Variants in ATP8A2 observed in about 807,000 individuals in gnomAD.
ATP8A2 encodes phospholipid-transporting ATPase IB.
A neutral mutation model predicts 165.6 loss-of-function variants in ATP8A2; 100 were observed. That is an observed-to-expected ratio of 0.60 (90% confidence interval 0.51 to 0.71). ATP8A2 has a LOEUF of 0.71. Ranked by LOEUF, ATP8A2 falls within the 30% of genes least tolerant of loss-of-function variation. The pLI is 0.00. For missense variants in ATP8A2, 1,227 were observed against 1,479.5 expected (o/e 0.83, Z 2.80); for synonymous variants, 543 against 548.8 (o/e 0.99, Z 0.15).
rs542547839 is a variant in ATP8A2 at position 25,450,773 on chromosome 13, T to C, written c.77-18204T>C. Among the ~76,000 whole-genome samples, 596 of 152,126 alleles carry C rather than the reference T, an allele frequency of 3.9e-3. 6 individuals are homozygous for C. The East Asian group carries it at 0.04, about 10-fold the overall frequency. ...GTCTCAATCTCCTGACCTCGTAATC[T>C]GCCCACCTCGGCCTCCCAAAGTGCT... On this transcript the variant is annotated intron_variant, in intron 1 of 36. Coordinates refer to ENST00000381655, the MANE Select transcript of ATP8A2 (RefSeq NM_016529.6).
At chr13:25,524,163 A>G (rs574534915) in intron 2 of ATP8A2, among the ~76,000 whole-genome samples, 6 of 152,040 alleles carry the variant, frequency 3.9e-5, no homozygotes, top group African/African-American at 1.4e-4. Context: ...GGGTTTGTGT[A>G]GTTTCCAGGG....
intron 2 of ATP8A2, among the ~76,000 whole-genome samples, chr13:25,507,233 G>A (rs1200046268): frequency 1.4e-5 from 1 of 69,156 alleles, no homozygotes; most frequent in Non-Finnish European, 3.3e-5. Flanking sequence ...GTGTGTGTGT[G>A]TGTGTGTGTG....
chr13:25,948,145 GCA>G (rs1166801941), intron 33 of ATP8A2, among the ~76,000 whole-genome samples: 1 of 152,050 alleles, frequency 6.6e-6, no homozygotes, highest in African/African-American at 2.4e-5. Context: ...GACTTCTATA[GCA>G]CAGCTCAACC....
chr13:25,524,415 T>G (rs915039125), intron 2 of ATP8A2, among the ~76,000 whole-genome samples: 6 of 152,174 alleles, frequency 3.9e-5, no homozygotes, highest in African/African-American at 1.4e-4. Flanking sequence ...GTTCCTTTGC[T>G]GATTTTCTGT....
chr13:25,877,638 C>T (rs1952852459), intron 33 of ATP8A2, among the ~76,000 whole-genome samples: 1 of 152,190 alleles, frequency 6.6e-6, no homozygotes, highest in Non-Finnish European at 1.5e-5. Context: ...AGGGTGTCTC[C>T]TCCCATGTTC....
intron 33 of ATP8A2, among the ~76,000 whole-genome samples, chr13:25,890,776 T>A (rs958075707): frequency 3.8e-4 from 58 of 152,240 alleles, no homozygotes; most frequent in African/African-American, 1.3e-3. Flanking sequence ...AAGAAAGACC[T>A]ATGAAATTTA....
At chr13:26,007,546 A>C (rs1446493092) in intron 35 of ATP8A2, among the ~76,000 whole-genome samples, 1 of 152,226 alleles carries the variant, frequency 6.6e-6, no homozygotes, top group Non-Finnish European at 1.5e-5. Flanking sequence ...GGTTCAGTGA[A>C]ATAACAGATT....
At chr13:25,553,494 T>C (rs912195999) in intron 11 of ATP8A2, among the ~76,000 whole-genome samples, 2 of 152,242 alleles carry the variant, frequency 1.3e-5, no homozygotes, top group Non-Finnish European at 2.9e-5. Flanking sequence ...TTCTTTTCTC[T>C]GTTCTTCAAA....
intron 25 of ATP8A2, among the ~76,000 whole-genome samples, chr13:25,726,280 G>A (rs1262532218): frequency 6.6e-6 from 1 of 152,172 alleles, no homozygotes; most frequent in Non-Finnish European, 1.5e-5. Context: ...AATGTGTCAG[G>A]TGTCCCTGTA....
intron 22 of ATP8A2, 55 bp downstream of exon 22, chr13:25,580,002 T>G: frequency 6.3e-7 from 1 of 1,594,478 alleles, no homozygotes; most frequent in Non-Finnish European, 8.6e-7. Flanking sequence ...ACCACCTATT[T>G]CACAAAGTAT....
intron 30 of ATP8A2, among the ~76,000 whole-genome samples, chr13:25,845,400 G>A (rs1458478468): frequency 6.6e-6 from 1 of 152,174 alleles, no homozygotes; most frequent in African/African-American, 2.4e-5. Context: ...AAATTTAAGA[G>A]GGAGGTGATG....
chr13:25,413,868 G>GT (rs1226121247), intron 1 of ATP8A2, among the ~76,000 whole-genome samples: 2 of 151,880 alleles, frequency 1.3e-5, no homozygotes, highest in East Asian at 3.9e-4. Context: ...ACAATCCCCT[G>GT]TTTTTTTATT....
intron 25 of ATP8A2, among the ~76,000 whole-genome samples, chr13:25,761,239 C>T (rs1321910899): frequency 6.6e-6 from 1 of 152,184 alleles, no homozygotes. Flanking sequence ...TCAACAAATC[C>T]TGGAGCGTGT....
At chr13:25,395,642 C>T (rs1432716590) in intron 1 of ATP8A2, among the ~76,000 whole-genome samples, 4 of 152,086 alleles carry the variant, frequency 2.6e-5, no homozygotes, top group African/African-American at 9.7e-5. Context: ...CTCAAACGAT[C>T]CTCCCAGCTC....
intron 33 of ATP8A2, among the ~76,000 whole-genome samples, chr13:25,958,288 T>C (rs1955576309): frequency 7.2e-6 from 1 of 139,062 alleles, no homozygotes; most frequent in African/African-American, 2.6e-5. Flanking sequence ...ATCCCAGAAC[T>C]TAAGGTATAA....
chr13:25,416,076 C>T (rs1221992399), intron 1 of ATP8A2, among the ~76,000 whole-genome samples: 3 of 152,204 alleles, frequency 2.0e-5, no homozygotes, highest in Non-Finnish European at 4.4e-5. Context: ...AGTCCTCCTG[C>T]CTTGGACTCC....
chr13:25,626,344 A>G (rs1188364480), intron 24 of ATP8A2, among the ~76,000 whole-genome samples: 4 of 152,140 alleles, frequency 2.6e-5, no homozygotes, highest in African/African-American at 4.8e-5. Context: ...ATCATAACAC[A>G]GGAGAGGGCA....
At chr13:25,396,242 G>T (rs980606941) in intron 1 of ATP8A2, among the ~76,000 whole-genome samples, 1 of 152,198 alleles carries the variant, frequency 6.6e-6, no homozygotes, top group Non-Finnish European at 1.5e-5. Context: ...TCTTGGTGTG[G>T]AGTGGGATCC....
chr13:25,874,320 C>T (rs185451479), intron 33 of ATP8A2, among the ~76,000 whole-genome samples: 40 of 152,274 alleles, frequency 2.6e-4, no homozygotes, highest in African/African-American at 8.7e-4. Flanking sequence ...CACTGGTCTC[C>T]GCCTCCTACC....
Sources: gnomAD v4.1 joint callset for allele counts (sites outside exome capture counted in the v4.1 genomes callset) on GRCh38, gnomAD v4.1.1 for gene constraint, MANE v1.5 for transcripts, NCBI Gene and HGNC (gene_info 2026-07-23, HGNC 2026-07-21) for gene names.